CELF4: variants seen among roughly 807,000 people sequenced by gnomAD.
The protein encoded by CELF4 is CUG-BP- and ETR-3-like factor 4.
Under a neutral mutation model 59.9 loss-of-function variants are expected in CELF4, and 18 were observed. The observed-to-expected ratio is 0.30, with a 90% CI of 0.21 to 0.45. The LOEUF is 0.45. Among genes scored for constraint, CELF4 ranks in the 20% least tolerant of loss-of-function variants. The pLI is 1.00. For missense variants in CELF4, 456 were observed against 689.0 expected (o/e 0.66, Z 3.79); for synonymous variants, 261 against 267.1 (o/e 0.98, Z 0.22).
intron 2 of CELF4, among the ~76,000 whole-genome samples, chr18:37,336,986 C>T (rs2154544282): frequency 6.6e-6 from 1 of 152,306 alleles, no homozygotes; most frequent in Middle Eastern, 3.4e-3. Flanking sequence ...CATTGTCCCT[C>T]CTGGGCCCTG....
chr18:37,565,299 C>G (rs1222718142), intron 1 of CELF4, 57 bp downstream of exon 1: 14 of 1,458,988 alleles, frequency 9.6e-6, no homozygotes, highest in Non-Finnish European at 1.3e-5. Context: ...GCCGGCCGGT[C>G]GGCCCGCCAG....
chr18:37,467,490 G>A (rs766875928), intron 2 of CELF4, among the ~76,000 whole-genome samples: 19 of 152,142 alleles, frequency 1.2e-4, no homozygotes, highest in Non-Finnish European at 1.5e-4. Context: ...TGGGAAAGTC[G>A]GGCAGAGTCA....
At chr18:37,256,624 T>C (rs2069664720) in intron 11 of CELF4, among the ~76,000 whole-genome samples, 1 of 152,200 alleles carries the variant, frequency 6.6e-6, no homozygotes, top group Admixed American at 6.5e-5. Context: ...TATTGCTATG[T>C]CACCAGGCTA....
intron 1 of CELF4, among the ~76,000 whole-genome samples, chr18:37,500,537 C>CT (rs10714673): frequency 0.014 from 1,378 of 98,906 alleles, 34 homozygotes; most frequent in African/African-American, 0.046. Context: ...TTTTCTTTTT[C>CT]TTTTTTTTTT....
chr18:37,533,211 C>G (rs1323672222), intron 1 of CELF4, among the ~76,000 whole-genome samples: 1 of 152,248 alleles, frequency 6.6e-6, no homozygotes, highest in Non-Finnish European at 1.5e-5. Context: ...TTGAGTTTTC[C>G]TGTCTTGGTT....
At position 37,351,337 on chromosome 18, in the gene CELF4, T is replaced by C. The variant is rs372205528; in HGVS notation, c.370-29456A>G. ...TTATTATATACATTCATACACATTA[T>C]GTACATGTGGCCTCCTCTCCAAGAA... On this transcript the variant is annotated intron_variant, in intron 2 of 12. Coordinates refer to ENST00000420428, the MANE Select transcript of CELF4 (RefSeq NM_020180.4). Among the ~76,000 whole-genome samples the C allele has an allele frequency of 7.9e-5, 12 of 152,308 alleles. No individual in the cohort carries two copies. The East Asian group carries it at 1.2e-3, about 15-fold the overall frequency.
chr18:37,270,120 G>A (rs1204140653), intron 8 of CELF4, among the ~76,000 whole-genome samples: 2 of 152,240 alleles, frequency 1.3e-5, no homozygotes, highest in Admixed American at 6.5e-5. Context: ...ACCCTGTGAG[G>A]ACGGCTAAGT....
chr18:37,423,825 A>G (rs1384473355), intron 2 of CELF4, among the ~76,000 whole-genome samples: 1 of 151,968 alleles, frequency 6.6e-6, no homozygotes, highest in Non-Finnish European at 1.5e-5. Flanking sequence ...CATAGCTGAG[A>G]GGCTCACAGA....
At chr18:37,531,896 C>T (rs1051668925) in intron 1 of CELF4, among the ~76,000 whole-genome samples, 1 of 152,114 alleles carries the variant, frequency 6.6e-6, no homozygotes, top group African/African-American at 2.4e-5. Flanking sequence ...CCTTCCCTGC[C>T]CCTCCAACAG....
intron 2 of CELF4, among the ~76,000 whole-genome samples, chr18:37,335,173 C>T (rs112450365): frequency 7.0e-4 from 106 of 152,198 alleles, no homozygotes; most frequent in African/African-American, 2.5e-3. Flanking sequence ...AGACAACAGC[C>T]GCGCACCGCC....
intron 1 of CELF4, among the ~76,000 whole-genome samples, chr18:37,530,093 A>G (rs941464702): frequency 6.6e-6 from 1 of 152,190 alleles, no homozygotes; most frequent in Non-Finnish European, 1.5e-5. Flanking sequence ...TCCTGCAGAG[A>G]TGACAGCCAG....
At chr18:37,557,488 C>T (rs1475183569) in intron 1 of CELF4, among the ~76,000 whole-genome samples, 1 of 152,210 alleles carries the variant, frequency 6.6e-6, no homozygotes, top group Non-Finnish European at 1.5e-5. Flanking sequence ...AAATGGGAAG[C>T]TAGCTTGCCT....
intron 2 of CELF4, among the ~76,000 whole-genome samples, chr18:37,397,736 G>A (rs1253533416): frequency 6.6e-6 from 1 of 152,224 alleles, no homozygotes; most frequent in Non-Finnish European, 1.5e-5. Flanking sequence ...TGTACATGAA[G>A]CTTGTGAGGT....
chr18:37,506,480 C>T (rs2099938145), intron 1 of CELF4, among the ~76,000 whole-genome samples: 1 of 152,168 alleles, frequency 6.6e-6, no homozygotes, highest in South Asian at 2.1e-4. Flanking sequence ...GACAAGTGAC[C>T]TCATGGGCAC....
At chr18:37,290,089 A>T (rs1032816448) in intron 3 of CELF4, among the ~76,000 whole-genome samples, 1 of 152,114 alleles carries the variant, frequency 6.6e-6, no homozygotes, top group African/African-American at 2.4e-5. Flanking sequence ...CTGGGGAATT[A>T]AGGGCAGCCT....
At position 37,431,616 on chromosome 18, in the gene CELF4, G is replaced by A. The variant is rs1008327641; in HGVS notation, c.369+53909C>T. ...GATCTCCTGACCTCGTGATCTGCCC[G>A]CCTCGGCCTCCCAAAGTGCTGGGAT... On this transcript the variant is annotated intron_variant, in intron 2 of 12. Transcript: ENST00000420428. 7.9e-4 allele frequency among the ~76,000 whole-genome samples: 120 copies of A among 152,100 alleles called. 1 individual carries two copies. The highest frequency in any genetic ancestry group is 1.5e-3 in the Non-Finnish European group (103 of 67,976).
chr18:37,341,060 G>A (rs2098004548), intron 2 of CELF4, among the ~76,000 whole-genome samples: 1 of 152,214 alleles, frequency 6.6e-6, no homozygotes, highest in African/African-American at 2.4e-5. Flanking sequence ...GGTGAGCAGG[G>A]AAGGGCACCA....
At chr18:37,355,306 T>C (rs2098544305) in intron 2 of CELF4, among the ~76,000 whole-genome samples, 1 of 152,216 alleles carries the variant, frequency 6.6e-6, no homozygotes, top group Non-Finnish European at 1.5e-5. Context: ...CAGGAATGCA[T>C]GTGGTATTGA....
intron 2 of CELF4, among the ~76,000 whole-genome samples, chr18:37,422,247 G>A (rs548252762): frequency 7.9e-4 from 120 of 152,358 alleles, no homozygotes; most frequent in Non-Finnish European, 1.5e-3. Flanking sequence ...TGAGATGGGA[G>A]CAGGGAGAAT....
Sources: allele counts gnomAD v4.1 joint callset (sites outside exome capture counted in the v4.1 genomes callset), GRCh38; gene constraint gnomAD v4.1.1; transcripts MANE v1.5; gene names NCBI Gene and HGNC (gene_info 2026-07-23, HGNC 2026-07-21).